Variants in SMYD3 observed in about 807,000 individuals in gnomAD.
The protein encoded by SMYD3 is SET and MYND domain containing 3.
A neutral mutation model predicts 57.7 loss-of-function variants in SMYD3; 36 were observed. The ratio of observed to expected loss-of-function variants is 0.62; its 90% CI spans 0.48 to 0.82. The LOEUF (loss-of-function observed/expected upper bound fraction) is 0.82. Ranked by LOEUF, SMYD3 falls within the 40% of genes least tolerant of loss-of-function variation. SMYD3 has a pLI of 0.00. For synonymous variants in SMYD3, 211 were observed against 195.0 expected (o/e 1.08, Z -0.68); for missense variants, 515 against 538.8 (o/e 0.96, Z 0.44).
chr1:246,153,211 C>T (rs1044931850), intron 5 of SMYD3, among the ~76,000 whole-genome samples: 1 of 152,082 alleles, frequency 6.6e-6, no homozygotes, highest in Admixed American at 6.6e-5. Context: ...CCTACCCAAC[C>T]CCCATAAACA....
At chr1:246,398,609 A>G (rs1391121210) in intron 1 of SMYD3, among the ~76,000 whole-genome samples, 1 of 152,264 alleles carries the variant, frequency 6.6e-6, no homozygotes, top group Non-Finnish European at 1.5e-5. Context: ...AAAAGCATGT[A>G]CAATGGTAAA....
chr1:245,939,343 A>C (rs1436965002), intron 5 of SMYD3, among the ~76,000 whole-genome samples: 1 of 152,160 alleles, frequency 6.6e-6, no homozygotes, highest in Admixed American at 6.5e-5. Context: ...AAAGATAGAC[A>C]GGCCAGGCAC....
chr1:245,831,971 T>C (rs546447595), intron 10 of SMYD3, among the ~76,000 whole-genome samples: 1 of 152,228 alleles, frequency 6.6e-6, no homozygotes, highest in African/African-American at 2.4e-5. Context: ...GTAACAGATA[T>C]CAGTTTCCTA....
intron 2 of SMYD3, among the ~76,000 whole-genome samples, chr1:246,347,354 A>C (rs1184668873): frequency 6.6e-6 from 1 of 152,226 alleles, no homozygotes; most frequent in Non-Finnish European, 1.5e-5. Flanking sequence ...AGAAGGATAA[A>C]AGTCCAAAAA....
chr1:246,097,476 G>A (rs1164437351), intron 5 of SMYD3, among the ~76,000 whole-genome samples: 1 of 152,170 alleles, frequency 6.6e-6, no homozygotes, highest in African/African-American at 2.4e-5. Context: ...AAGGTCACCA[G>A]TGGTTGCCAA....
chr1:245,931,314 G>A (rs1375719942), intron 5 of SMYD3, among the ~76,000 whole-genome samples: 3 of 152,142 alleles, frequency 2.0e-5, no homozygotes, highest in South Asian at 2.1e-4. Context: ...CTCGGATGTC[G>A]GTAGCAGGAG....
chr1:246,366,476 C>G (rs1018300998), intron 1 of SMYD3, among the ~76,000 whole-genome samples: 1 of 152,002 alleles, frequency 6.6e-6, no homozygotes, highest in Non-Finnish European at 1.5e-5. Flanking sequence ...CTGGCAGGCT[C>G]CCCTGCAGAG....
chr1:245,934,290 G>A (rs1229602775), intron 5 of SMYD3, among the ~76,000 whole-genome samples: 1 of 152,192 alleles, frequency 6.6e-6, no homozygotes, highest in African/African-American at 2.4e-5. Flanking sequence ...ACCAGAAGCA[G>A]AAGCTTTTAC....
chr1:246,099,750 A>T (rs1297292638), intron 5 of SMYD3, among the ~76,000 whole-genome samples: 1 of 152,206 alleles, frequency 6.6e-6, no homozygotes, highest in African/African-American at 2.4e-5. Context: ...AGACCTTCTC[A>T]TGGCCTTTTA....
intron 11 of SMYD3, 147 bp downstream of exon 11, chr1:245,763,894 G>A (rs1320418597): frequency 8.6e-6 from 5 of 582,716 alleles, no homozygotes; most frequent in Non-Finnish European, 1.5e-5. Context: ...TTTCCAGAGT[G>A]GTTGTTAAAC....
intron 5 of SMYD3, among the ~76,000 whole-genome samples, chr1:246,255,016 G>A (rs979311267): frequency 6.6e-5 from 10 of 152,170 alleles, no homozygotes; most frequent in African/African-American, 2.2e-4. Flanking sequence ...ATCAGTTTCA[G>A]GAGCCTTTTG....
chr1:246,215,453 AT>A (rs1005247432), intron 5 of SMYD3, among the ~76,000 whole-genome samples: 10 of 150,888 alleles, frequency 6.6e-5, no homozygotes, highest in Non-Finnish European at 1.3e-4. Flanking sequence ...CAAAGACACC[AT>A]TTTTTTTTAA....
At chr1:245,854,744 G>C (rs1327737625) in intron 10 of SMYD3, among the ~76,000 whole-genome samples, 1 of 152,092 alleles carries the variant, frequency 6.6e-6, no homozygotes, top group Non-Finnish European at 1.5e-5. Context: ...AGCAAGACAA[G>C]CAGGAAAAAC....
At chr1:246,289,986 CA>C (rs2064655793) in intron 5 of SMYD3, among the ~76,000 whole-genome samples, 1 of 152,094 alleles carries the variant, frequency 6.6e-6, no homozygotes, top group South Asian at 2.1e-4. Context: ...CATAACTTAG[CA>C]AAATCAGAAA....
intron 5 of SMYD3, among the ~76,000 whole-genome samples, chr1:246,161,338 G>C (rs934735167): frequency 6.6e-6 from 1 of 152,160 alleles, no homozygotes; most frequent in African/African-American, 2.4e-5. Context: ...TTTTCTCTGT[G>C]TGCTAAGCTG....
intron 10 of SMYD3, among the ~76,000 whole-genome samples, chr1:245,853,505 G>A (rs945974162): frequency 3.3e-5 from 5 of 152,184 alleles, no homozygotes; most frequent in Admixed American, 2.0e-4. Flanking sequence ...AGCAAGCGCT[G>A]GGCGCGTGGC....
At chr1:246,108,768 T>C (rs2061175306) in intron 5 of SMYD3, 1 of 152,334 alleles carries the variant, frequency 6.6e-6, no homozygotes, top group Non-Finnish European at 1.5e-5. Context: ...AAGCAAATAC[T>C]AGCTTTATTC....
chr1:246,062,297 C>T (rs2060268770), intron 5 of SMYD3, among the ~76,000 whole-genome samples: 1 of 152,218 alleles, frequency 6.6e-6, no homozygotes, highest in South Asian at 2.1e-4. Context: ...TTATAGTCTA[C>T]CATTTGACAA....
At chr1:246,264,931 C>T (rs753303680) in intron 5 of SMYD3, among the ~76,000 whole-genome samples, 10 of 152,070 alleles carry the variant, frequency 6.6e-5, no homozygotes, top group Non-Finnish European at 1.2e-4. Context: ...AGTCTTATTA[C>T]GAGATGAACA....
Sources: allele counts gnomAD v4.1 joint callset (sites outside exome capture counted in the v4.1 genomes callset), GRCh38; gene constraint gnomAD v4.1.1; transcripts MANE v1.5; gene names NCBI Gene and HGNC (gene_info 2026-07-23, HGNC 2026-07-21).